CAST: variants seen among roughly 807,000 people sequenced by gnomAD.
CAST encodes MIR583 host.
Under a neutral mutation model 119.6 loss-of-function variants are expected in CAST, and 76 were observed. The ratio of observed to expected loss-of-function variants is 0.64; its 90% CI spans 0.53 to 0.77. The LOEUF (loss-of-function observed/expected upper bound fraction) is 0.77, where lower values mean the gene tolerates loss of function less well. Among genes scored for constraint, CAST ranks in the 30% least tolerant of loss-of-function variants. The probability of loss-of-function intolerance (pLI) is 0.00; values close to 1 mark genes in which losing one functional copy is unlikely to be tolerated. For synonymous variants in CAST, 319 were observed against 331.6 expected (o/e 0.96, Z 0.41); for missense variants, 953 against 946.5 (o/e 1.01, Z -0.09).
At chr5:96,354,940 A>G in the CAST span, among the ~76,000 whole-genome samples, 2 of 152,074 alleles carry the variant, frequency 1.3e-5, no homozygotes, top group South Asian at 2.1e-4. Flanking sequence ...TTCAGACACT[A>G]AAATATATTT....
chr5:96,599,127 G>T (rs1374700379), intron 1 of CAST, among the ~76,000 whole-genome samples: 1 of 152,182 alleles, frequency 6.6e-6, no homozygotes, highest in Non-Finnish European at 1.5e-5. Context: ...TACAATCACT[G>T]ATATACAGCT....
At chr5:96,513,004 G>A in the CAST span, among the ~76,000 whole-genome samples, 3 of 152,190 alleles carry the variant, frequency 2.0e-5, no homozygotes, top group African/African-American at 7.2e-5. Context: ...TACATGAGCA[G>A]GGAGGCAGCC....
At chr5:96,422,146 G>C in the CAST span, among the ~76,000 whole-genome samples, 1 of 152,078 alleles carries the variant, frequency 6.6e-6, no homozygotes, top group Non-Finnish European at 1.5e-5. Flanking sequence ...CAGAGATGAT[G>C]AACACAGCCA....
chr5:96,542,174 G>A (rs1407450691), intron 1 of CAST, among the ~76,000 whole-genome samples: 1 of 152,116 alleles, frequency 6.6e-6, no homozygotes, highest in Non-Finnish European at 1.5e-5. Context: ...GCCGGGCGAG[G>A]TGGCGGGTGC....
chr5:96,543,881 C>G (rs1187380900), intron 1 of CAST, among the ~76,000 whole-genome samples: 5 of 152,146 alleles, frequency 3.3e-5, no homozygotes, highest in African/African-American at 4.8e-5. Context: ...TTGTATGAAT[C>G]TGTTTCTGGG....
rs542446437 is a variant in CAST at position 96,530,416 on chromosome 5, G to C, written c.60+536G>C. Among the ~76,000 whole-genome samples, 3 of 152,284 alleles carry C rather than the reference G, an allele frequency of 2.0e-5. No homozygotes were observed. In the South Asian group the frequency reaches 6.2e-4, roughly 32 times the overall value. ...CACTATATTGGAGAGGGTGATACTGGAAACCAATAATTGAAATATCTATGA... is the reference window on the plus strand; with the variant it reads ...CACTATATTGGAGAGGGTGATACTGCAAACCAATAATTGAAATATCTATGA... On this transcript the variant is annotated intron_variant, in intron 1 of 11. Coordinates refer to the CAST transcript ENST00000505143.
At chr5:96,572,537 C>T (rs1746590061) in intron 1 of CAST, among the ~76,000 whole-genome samples, 1 of 151,868 alleles carries the variant, frequency 6.6e-6, no homozygotes, top group Non-Finnish European at 1.5e-5. Flanking sequence ...TCACTTTGTG[C>T]AAAAGCTATA....
At chr5:96,640,954 C>A (rs1427913018) in intron 1 of CAST, among the ~76,000 whole-genome samples, 5 of 152,078 alleles carry the variant, frequency 3.3e-5, no homozygotes, top group Non-Finnish European at 4.4e-5. Context: ...CCATCACACT[C>A]CACAATGCTA....
the CAST span, among the ~76,000 whole-genome samples, chr5:96,428,088 A>G: frequency 6.6e-6 from 1 of 152,136 alleles, no homozygotes; most frequent in African/African-American, 2.4e-5. Flanking sequence ...ACATTCGAAC[A>G]CTGGTGACCC....
At chr5:95,962,332 G>A in the CAST span, among the ~76,000 whole-genome samples, 1 of 151,878 alleles carries the variant, frequency 6.6e-6, no homozygotes, top group South Asian at 2.1e-4. Context: ...GTTCCCCGAC[G>A]GCTGCGGAAG....
At chr5:96,693,563 T>C (rs917187797) in intron 2 of CAST, among the ~76,000 whole-genome samples, 2 of 152,212 alleles carry the variant, frequency 1.3e-5, no homozygotes, top group Admixed American at 1.3e-4. Flanking sequence ...TGTGTCACAT[T>C]GAAAACAGAC....
chr5:96,578,463 T>C (rs535346351), intron 1 of CAST, among the ~76,000 whole-genome samples: 78 of 152,170 alleles, frequency 5.1e-4, no homozygotes, highest in Non-Finnish European at 9.0e-4. Flanking sequence ...GCTTCCATTT[T>C]ACTATTTGTT....
At chr5:96,347,905 A>G in the CAST span, among the ~76,000 whole-genome samples, 1 of 152,178 alleles carries the variant, frequency 6.6e-6, no homozygotes, top group African/African-American at 2.4e-5. Flanking sequence ...GGGTGAAGTG[A>G]GAAGAACACA....
chr5:96,774,300 A>AGAT lies in CAST; in HGVS notation c.*1686_*1688dup, dbSNP rs1303514202. 1 of 168,026 alleles carries AGAT rather than the reference A, an allele frequency of 6.0e-6. No individual in the cohort carries two copies. The highest frequency in any genetic ancestry group is 2.4e-5 in the African/African-American group (1 of 41,706). The allele number at this position is 168,026 out of a possible 1,614,324, so 10.4% of individuals were successfully genotyped here. On this transcript the variant is annotated 3_prime_UTR_variant, in exon 32 of 32. Coordinates refer to ENST00000675179, the MANE Select transcript of CAST (RefSeq NM_001750.7). ...GGCATACCAAAATCCAGAAGTTTAA[A>AGAT]GATGCCTATAAAAGTAAACAACATT...
chr5:96,018,169 T>C, the CAST span, among the ~76,000 whole-genome samples: 6 of 152,088 alleles, frequency 3.9e-5, no homozygotes, highest in African/African-American at 1.2e-4. Context: ...ATCCAACACA[T>C]GTTTGCAAAT....
In CAST at chr5:96,683,416, T is replaced by C. The variant is rs191925573; in HGVS notation, c.138+7815T>C. 3.3e-3 allele frequency among the ~76,000 whole-genome samples: 508 copies of C among 152,306 alleles called. 2 individuals carry two copies. Among genetic ancestry groups the C allele is most frequent in the Admixed American group, 5.1e-3 (78 of 15,302 alleles). On this transcript the variant is annotated intron_variant, in intron 2 of 31. Transcript: ENST00000675179. Reference sequence around the variant, plus strand: ...AGAGACAATATTTTATACCAGGAATTCTTGAAATTGGCTCATAATGACAGT... The same window carrying C: ...AGAGACAATATTTTATACCAGGAATCCTTGAAATTGGCTCATAATGACAGT...
the CAST span, among the ~76,000 whole-genome samples, chr5:96,148,718 T>C: frequency 0.64 from 97,987 of 152,184 alleles, 32,057 homozygotes; most frequent in African/African-American, 0.73. Flanking sequence ...GAATGATGTG[T>C]AGTTATAAAA....
At chr5:96,056,855 T>C in the CAST span, among the ~76,000 whole-genome samples, 2 of 152,144 alleles carry the variant, frequency 1.3e-5, no homozygotes. Flanking sequence ...GTATAATCTC[T>C]ATCTAGTGAG....
the CAST span, among the ~76,000 whole-genome samples, chr5:96,360,760 G>A: frequency 6.6e-6 from 1 of 152,230 alleles, no homozygotes; most frequent in African/African-American, 2.4e-5. Context: ...TCTATGAGGT[G>A]TCTGTCAACC....
Sources: allele counts gnomAD v4.1 joint callset (sites outside exome capture counted in the v4.1 genomes callset), GRCh38; gene constraint gnomAD v4.1.1; transcripts MANE v1.5; gene names NCBI Gene and HGNC (gene_info 2026-07-23, HGNC 2026-07-21).